TULP1: variants seen among roughly 807,000 people sequenced by gnomAD.
The protein encoded by TULP1 is TUB like protein 1, also known as tubby-related protein 1.
In TULP1, 50 loss-of-function variants were observed where a neutral mutation model predicts 67.1. The observed-to-expected ratio is 0.75, with a 90% confidence interval of 0.59 to 0.94. The LOEUF (loss-of-function observed/expected upper bound fraction) is 0.94. Among genes scored for constraint, TULP1 ranks in the 40% least tolerant of loss-of-function variants. The pLI is 0.00. For synonymous variants in TULP1, 297 were observed against 294.0 expected, an observed-to-expected ratio of 1.01 and a Z score of -0.11; for missense variants, 746 against 734.1, an observed-to-expected ratio of 1.02 and a Z score of -0.19.
intron 2 of TULP1, 84 bp downstream of exon 2, chr6:35,512,555 T>A: frequency 6.3e-6 from 10 of 1,577,408 alleles, no homozygotes; most frequent in Non-Finnish European, 7.8e-6. Context: ...GGGGGACCTG[T>A]CCCACCCCTA....
rs1768754157 is a variant in TULP1, at chr6:35,498,433, C to T, written c.1523G>A (p.Arg508His). Residue 508 changes from arginine (R) to histidine (H), a missense_variant, in exon 15 of 15, where the codon CGC becomes CAC. Around this residue, in one of 3 missense-constraint regions of TULP1, gnomAD observed 383 missense variants for 374.1 expected, o/e 1.02. Transcript: ENST00000229771. The surrounding 1 kb of genome is among the most constrained non-coding windows in gnomAD (Gnocchi z 6.7). The stretch of plus-strand genomic sequence containing the variant: ...TAGGGTGAAGGCGTCCTCCGCCACG[C>T]GGCCGAACTGCAGCACGATATAGTC... Reference protein sequence around the residue: ...DPDYIVLQFGRVAEDAFTLDY... With the variant: ...DPDYIVLQFGHVAEDAFTLDY... 6.2e-7 allele frequency: 1 copy of T among 1,613,954 alleles called. No individual in the cohort carries two copies. Among genetic ancestry groups the T allele is most frequent in the Non-Finnish European group, 8.5e-7 (1 of 1,180,028 alleles).
At position 35,510,877 on chromosome 6, in the gene TULP1, C is replaced by A; in HGVS notation, c.483G>T (p.Lys161Asn). Reference sequence around the variant, plus strand: ...AGCACCCACCCCTTGGGCCCTGGGCCTTGGCCCTCCTCTCCTTCAGGTCTG... The same window carrying A: ...AGCACCCACCCCTTGGGCCCTGGGCATTGGCCCTCCTCTCCTTCAGGTCTG... ...SSADLKERRA[K>N]AQGPRGDLGS... Residue 161 changes from lysine (K) to asparagine (N), a missense_variant, in exon 5 of 15, where the codon AAG becomes AAT. This residue lies in a region of TULP1 where 359 missense variants were observed against 341.9 expected (regional missense o/e 1.05). Coordinates refer to ENST00000229771, the MANE Select transcript of TULP1 (RefSeq NM_003322.6). The A allele has an allele frequency of 6.2e-7, 1 of 1,614,052 alleles. No homozygotes were observed. Among genetic ancestry groups the A allele is most frequent in the Non-Finnish European group, 8.5e-7 (1 of 1,180,046 alleles).
intron 4 of TULP1, 41 bp downstream of exon 4, chr6:35,511,607 T>C: frequency 3.2e-6 from 5 of 1,574,676 alleles, no homozygotes; most frequent in Non-Finnish European, 4.3e-6. Context: ...TCTCCTTAGC[T>C]CCACCGCCCC....
At chr6:35,499,592 A>G (rs1156261814) in intron 14 of TULP1, among the ~76,000 whole-genome samples, 1 of 152,208 alleles carries the variant, frequency 6.6e-6, no homozygotes, top group African/African-American at 2.4e-5. Flanking sequence ...AGTTGCTGAG[A>G]GACTCTGGGC....
intron 5 of TULP1, 71 bp downstream of exon 5, chr6:35,510,790 A>C (rs1761180509): frequency 6.2e-7 from 1 of 1,608,072 alleles, no homozygotes; most frequent in Non-Finnish European, 8.5e-7. Context: ...TGTCTCAGTG[A>C]GACGCCAAGC....
intron 8 of TULP1, among the ~76,000 whole-genome samples, chr6:35,508,609 T>C (rs1169050731): frequency 2.6e-5 from 4 of 152,218 alleles, no homozygotes; most frequent in Admixed American, 2.0e-4. Flanking sequence ...TGTGTGTTGG[T>C]GTCTGAGTCC....
chr6:35,504,159 A>G, intron 11 of TULP1: 1 of 320,914 alleles, frequency 3.1e-6, no homozygotes, highest in South Asian at 3.2e-5. Context: ...CTCTACAAAA[A>G]ACACCCGCCC....
Position 35,500,031 on chromosome 6 carries a change from C to T in TULP1, c.1445G>A (p.Arg482Gln), listed in dbSNP as rs146311742. Reference sequence around the variant, plus strand: ...GTTCTTGACTGAGGCCTGGGTGACCCGGCCTTGGAAGTTGAGGGTGTAGGA... The same window carrying T: ...GTTCTTGACTGAGGCCTGGGTGACCTGGCCTTGGAAGTTGAGGGTGTAGGA... ...SGSYTLNFQGRVTQASVKNFQ... is the reference protein window; with the variant it reads ...SGSYTLNFQGQVTQASVKNFQ... The change falls in exon 14 of 15, where the codon CGG becomes CAG. Residue 482 changes from arginine (R) to glutamine (Q), a missense_variant. Coordinates refer to ENST00000229771, the MANE Select transcript of TULP1 (RefSeq NM_003322.6). 3.7e-6 allele frequency: 6 copies of T among 1,614,116 alleles called. No homozygotes were observed. The highest frequency in any genetic ancestry group is 3.3e-5 in the Admixed American group (2 of 60,016).
chr6:35,509,864 T>G lies in TULP1; in HGVS notation c.564A>C (p.Ala188=). The change falls in exon 6 of 15, where the codon GCA becomes GCC. Residue 188 remains alanine (A), a synonymous_variant. Coordinates refer to ENST00000229771, the MANE Select transcript of TULP1 (RefSeq NM_003322.6). ...PLRVRNKEAP[A]GEGTKMRKTK... ...TCTTTCTCATCTTGGTCCCCTCCCCTGCTGGAGCTTCCTTATTCCTAACAC... is the reference window on the plus strand; with the variant it reads ...TCTTTCTCATCTTGGTCCCCTCCCCGGCTGGAGCTTCCTTATTCCTAACAC... 1.2e-6 allele frequency: 2 copies of G among 1,614,034 alleles called. No homozygotes were observed. The highest frequency in any genetic ancestry group is 1.7e-6 in the Non-Finnish European group (2 of 1,180,016).
At position 35,509,715 on chromosome 6, in the gene TULP1, G is replaced by T; in HGVS notation, c.637C>A (p.Pro213Thr). 1 of 1,614,022 alleles carries T rather than the reference G, an allele frequency of 6.2e-7. No individual in the cohort carries two copies. Among genetic ancestry groups the T allele is most frequent in the Non-Finnish European group, 8.5e-7 (1 of 1,180,026 alleles). ...GEADKDPSGS[P>T]ASARKSPAAM... ...GCTGGGCTCTTCCTCGCACTGGCTG[G>T]GCTCCCTGAGGGGTCCTTGTCGGCC... is the stretch of plus-strand genomic sequence containing the variant. The change falls in exon 7 of 15, where the codon CCA becomes ACA. Residue 213 changes from proline (P) to threonine (T), a missense_variant. Transcript: ENST00000229771.
chr6:35,512,728 C>T (rs1470672296), intron 1 of TULP1, 38 bp from the exon 2 acceptor site: 1 of 1,608,946 alleles, frequency 6.2e-7, no homozygotes, highest in South Asian at 1.1e-5. Flanking sequence ...CTCCCTTCCC[C>T]TTCCCTCCCC....
intron 8 of TULP1, among the ~76,000 whole-genome samples, 194 bp from the exon 9 acceptor site, chr6:35,506,473 T>C (rs756729894): frequency 3.9e-5 from 6 of 152,212 alleles, no homozygotes; most frequent in Non-Finnish European, 5.9e-5. Context: ...CTGTCTAGGT[T>C]CAAATCCTAG....
In TULP1 at chr6:35,503,459, G is replaced by T. The variant is rs1465574168; in HGVS notation, c.1323+100C>A. On this transcript the variant is annotated intron_variant, in intron 13 of 14. Coordinates refer to ENST00000229771, the MANE Select transcript of TULP1 (RefSeq NM_003322.6). This position sits in a 1 kb window ranked among gnomAD's most constrained non-coding sequence, Gnocchi z 4.0. ...GTGGCCAGAATGAATTTGTGTTGGA[G>T]GGTGATGGATGTGCTCAGGGAGTTG... 8.4e-7 allele frequency: 1 copy of T among 1,197,440 alleles called. No homozygotes were observed. Among genetic ancestry groups the T allele is most frequent in the Non-Finnish European group, 1.2e-6 (1 of 834,286 alleles). 74.2% of individuals were successfully genotyped at this position (1,197,440 alleles called of 1,614,324 possible).
At position 35,497,947 on chromosome 6, in the gene TULP1, A is replaced by T. The variant is rs1768732435; in HGVS notation, c.*380T>A. 3 of 312,658 alleles carry T rather than the reference A, an allele frequency of 9.6e-6. No individual in the cohort carries two copies. The highest frequency in any genetic ancestry group is 1.8e-5 in the Non-Finnish European group (3 of 163,328). The allele number at this position is 312,658 out of a possible 1,614,324, so 19.4% of individuals were successfully genotyped here. ...CCCCCATCACCTACCCCCTCCTCCT[A>T]GCCCGCCCCAGCTCCTCGGAGCCCT... On this transcript the variant is annotated 3_prime_UTR_variant, in exon 15 of 15. Transcript: ENST00000229771.
intron 3 of TULP1, 97 bp from the exon 4 acceptor site, chr6:35,511,903 G>A: frequency 7.4e-6 from 10 of 1,349,630 alleles, no homozygotes; most frequent in Non-Finnish European, 8.9e-6. Flanking sequence ...ACCCCCTCGG[G>A]CTCCTCACCC....
intron 11 of TULP1, 66 bp downstream of exon 11, chr6:35,505,675 C>T (rs981363855): frequency 1.3e-6 from 2 of 1,595,214 alleles, no homozygotes; most frequent in Non-Finnish European, 1.7e-6. Flanking sequence ...CACAGCAGGA[C>T]AGAGATGACG....
chr6:35,512,484 G>A (rs533931484), intron 2 of TULP1, among the ~76,000 whole-genome samples, 155 bp downstream of exon 2: 28 of 151,440 alleles, frequency 1.8e-4, no homozygotes, highest in Admixed American at 1.8e-3. Context: ...GAAACCCCAA[G>A]TCCCCAAACA....
intron 13 of TULP1, 91 bp from the exon 14 acceptor site, chr6:35,500,243 G>A: frequency 7.4e-7 from 1 of 1,358,306 alleles, no homozygotes; most frequent in Non-Finnish European, 1.0e-6. Context: ...CTGGGCATGT[G>A]TGCACAGGGG....
In TULP1 at chr6:35,503,151, G is replaced by A. The variant is rs1404168107; in HGVS notation, c.1323+408C>T. On this transcript the variant is annotated intron_variant, in intron 13 of 14. Coordinates refer to ENST00000229771, the MANE Select transcript of TULP1 (RefSeq NM_003322.6). This position sits in a 1 kb window ranked among gnomAD's most constrained non-coding sequence, Gnocchi z 4.0. ...GACGGGGTTTCACCATGTTAGCCAG[G>A]ATAGTCTCGATCTCCTGACCTCGTG... Among the ~76,000 whole-genome samples, 3 of 151,784 alleles carry A rather than the reference G, an allele frequency of 2.0e-5. No individual in the cohort carries two copies. Among genetic ancestry groups the A allele is most frequent in the Admixed American group, 2.0e-4 (3 of 15,222 alleles).
Sources: gnomAD v4.1 joint callset for allele counts (sites outside exome capture counted in the v4.1 genomes callset) on GRCh38, gnomAD v4.1.1 for gene constraint, gnomAD v4.1.1 regional missense constraint, Gnocchi (gnomAD v3.1) non-coding constraint, MANE v1.5 for transcripts, NCBI Gene and HGNC (gene_info 2026-07-23, HGNC 2026-07-21) for gene names.